Variants in CRPPA observed in about 807,000 individuals in gnomAD.
The protein encoded by CRPPA is CDP-L-ribitol pyrophosphorylase A.
Under a neutral mutation model 52.0 loss-of-function variants are expected in CRPPA, and 43 were observed. That is an observed-to-expected ratio of 0.83 (90% CI 0.65 to 1.07). CRPPA has a LOEUF of 1.07. Ranked by LOEUF, CRPPA falls within the 50% of genes least tolerant of loss-of-function variation. CRPPA has a pLI of 0.00. For synonymous variants in CRPPA, 250 were observed against 203.5 expected, an observed-to-expected ratio of 1.23 and a Z score of -1.94; for missense variants, 629 against 551.7, an observed-to-expected ratio of 1.14 and a Z score of -1.40.
chr7:16,259,706 G>T (rs565545990), intron 6 of CRPPA, among the ~76,000 whole-genome samples: 1 of 151,958 alleles, frequency 6.6e-6, no homozygotes, highest in Non-Finnish European at 1.5e-5. Flanking sequence ...CTAGACAAGG[G>T]ATCTGTGATA....
intron 3 of CRPPA, among the ~76,000 whole-genome samples, chr7:16,343,500 A>G (rs1302332571): frequency 6.6e-6 from 1 of 152,136 alleles, no homozygotes; most frequent in Admixed American, 6.5e-5. Context: ...ACCTGTCTCA[A>G]AGTTCCCTGC....
At chr7:16,390,650 A>C (rs1008270263) in intron 2 of CRPPA, among the ~76,000 whole-genome samples, 1 of 152,176 alleles carries the variant, frequency 6.6e-6, no homozygotes, top group Non-Finnish European at 1.5e-5. Flanking sequence ...GTTAAATGGG[A>C]AAAAACTTAG....
intron 9 of CRPPA, among the ~76,000 whole-genome samples, chr7:16,103,149 T>C (rs1230333391): frequency 1.3e-5 from 2 of 152,182 alleles, no homozygotes; most frequent in Non-Finnish European, 2.9e-5. Context: ...ATTATGTCCT[T>C]TGCAGGGACA....
At chr7:16,219,478 C>A in intron 8 of CRPPA, among the ~76,000 whole-genome samples, 1 of 104,322 alleles carries the variant, frequency 9.6e-6, no homozygotes, top group Non-Finnish European at 2.0e-5. Context: ...CACAAAAAAC[C>A]CTTCAAAAAA....
intron 2 of CRPPA, among the ~76,000 whole-genome samples, chr7:16,402,155 A>G (rs1002602405): frequency 5.9e-5 from 9 of 152,208 alleles, no homozygotes; most frequent in African/African-American, 1.7e-4. Context: ...GACACTCACA[A>G]GTGAAGGAAA....
In CRPPA at chr7:16,258,966, A is replaced by C. The variant is rs756731680; in HGVS notation, c.980T>G (p.Leu327Arg). The stretch of plus-strand genomic sequence containing the variant: ...GCATTGATCTAAGATGATTTGCTGA[A>C]GATGTCTGCCAGCATGACCCAGAGC... ...SEALGHAGRH[L>R]QQIILDQCYN... The change falls in exon 7 of 10, where the codon CTT (leucine) becomes CGT (arginine). Residue 327 changes from leucine to arginine, a missense_variant. Coordinates refer to ENST00000407010, the MANE Select transcript of CRPPA (RefSeq NM_001101426.4). The C allele has an allele frequency of 1.2e-6, 2 of 1,611,420 alleles. No individual in the cohort carries two copies. The highest frequency in any genetic ancestry group is 1.7e-6 in the Non-Finnish European group (2 of 1,178,482).
intron 6 of CRPPA, chr7:16,262,036 G>A (rs1342824597): frequency 6.6e-6 from 1 of 151,956 alleles, no homozygotes; most frequent in Admixed American, 6.6e-5. Context: ...CTTGTTTATG[G>A]GTTTTGCATC....
chr7:16,247,158 A>G (rs1783299014), intron 8 of CRPPA, among the ~76,000 whole-genome samples: 2 of 152,224 alleles, frequency 1.3e-5, no homozygotes, highest in South Asian at 4.1e-4. Context: ...TATGAAGACA[A>G]TTCTGTCTTT....
intron 9 of CRPPA, among the ~76,000 whole-genome samples, chr7:16,172,001 T>C (rs1781197194): frequency 6.6e-6 from 1 of 152,194 alleles, no homozygotes; most frequent in South Asian, 2.1e-4. Context: ...TTTTTCCTCA[T>C]TTTCTATTGA....
At chr7:16,406,404 T>C (rs1434929415) in intron 1 of CRPPA, 67 bp from the exon 2 acceptor site, 6 of 1,354,492 alleles carry the variant, frequency 4.4e-6, no homozygotes, top group East Asian at 2.3e-5. Context: ...TAACAGAAAA[T>C]TGAATCACTA....
intron 3 of CRPPA, among the ~76,000 whole-genome samples, chr7:16,323,482 T>C (rs376574865): frequency 1.3e-5 from 2 of 152,126 alleles, no homozygotes; most frequent in East Asian, 3.9e-4. Context: ...GCTATCTCCA[T>C]GAGAAGAACA....
intron 1 of CRPPA, among the ~76,000 whole-genome samples, chr7:16,412,079 A>G (rs1788087933): frequency 6.6e-6 from 1 of 152,216 alleles, no homozygotes; most frequent in Non-Finnish European, 1.5e-5. Context: ...AAATAACTCA[A>G]ATTCTCCATT....
intron 9 of CRPPA, among the ~76,000 whole-genome samples, chr7:16,101,542 T>C (rs1352629041): frequency 1.3e-5 from 2 of 152,156 alleles, no homozygotes; most frequent in African/African-American, 4.8e-5. Context: ...CTTCTCTCTT[T>C]TCTTCTTTAT....
At chr7:16,255,671 C>T (rs868593449) in intron 8 of CRPPA, among the ~76,000 whole-genome samples, 30 of 151,908 alleles carry the variant, frequency 2.0e-4, no homozygotes, top group Non-Finnish European at 3.2e-4. Context: ...TTCACAAACC[C>T]GACAAAAACA....
chr7:16,133,053 A>T (rs1371102066), intron 9 of CRPPA, among the ~76,000 whole-genome samples: 2 of 122,878 alleles, frequency 1.6e-5, no homozygotes, highest in African/African-American at 5.3e-5. Flanking sequence ...GCTACTTGGG[A>T]TACTGAGGTG....
intron 9 of CRPPA, among the ~76,000 whole-genome samples, chr7:16,187,734 T>C (rs1167844146): frequency 6.6e-6 from 1 of 152,138 alleles, no homozygotes; most frequent in African/African-American, 2.4e-5. Context: ...TTTGAGGGAA[T>C]ATGGGATTGG....
chr7:16,185,755 C>T (rs1377960941), intron 9 of CRPPA, among the ~76,000 whole-genome samples: 1 of 152,056 alleles, frequency 6.6e-6, no homozygotes, highest in East Asian at 1.9e-4. Context: ...AACAGAAATA[C>T]CACTGTATAA....
intron 9 of CRPPA, among the ~76,000 whole-genome samples, chr7:16,151,113 C>T (rs1391279180): frequency 2.0e-5 from 3 of 152,116 alleles, no homozygotes; most frequent in African/African-American, 2.4e-5. Flanking sequence ...TGTTAACACA[C>T]CAGTAGGATT....
intron 3 of CRPPA, among the ~76,000 whole-genome samples, chr7:16,333,584 T>C (rs763116878): frequency 3.9e-5 from 6 of 152,212 alleles, no homozygotes; most frequent in African/African-American, 1.4e-4. Context: ...TAAATGCATG[T>C]ATTAGAAAGA....
Sources: allele counts gnomAD v4.1 joint callset (sites outside exome capture counted in the v4.1 genomes callset), GRCh38; gene constraint gnomAD v4.1.1; transcripts MANE v1.5; gene names NCBI Gene and HGNC (gene_info 2026-07-23, HGNC 2026-07-21).